YAP1: variants seen among roughly 807,000 people sequenced by gnomAD.
YAP1 encodes transcriptional coactivator YAP1.
A neutral mutation model predicts 56.9 loss-of-function variants in YAP1; 5 were observed. The ratio of observed to expected loss-of-function variants is 0.09; its 90% CI spans 0.05 to 0.18. YAP1 has a LOEUF of 0.18. Among genes scored for constraint, YAP1 ranks in the 10% least tolerant of loss-of-function variants. The pLI is 1.00. For missense variants in YAP1, 539 were observed against 651.8 expected (o/e 0.83, Z 1.88); for synonymous variants, 265 against 248.1 (o/e 1.07, Z -0.64).
chr11:102,136,572 C>T (rs571591718), intron 2 of YAP1, among the ~76,000 whole-genome samples: 37 of 152,102 alleles, frequency 2.4e-4, no homozygotes, highest in Non-Finnish European at 4.1e-4. Flanking sequence ...AAGCTGGTGT[C>T]GAACTTCTGG....
intron 6 of YAP1, among the ~76,000 whole-genome samples, chr11:102,218,377 T>C (rs1283356582): frequency 1.3e-5 from 2 of 152,250 alleles, no homozygotes; most frequent in Non-Finnish European, 2.9e-5. Flanking sequence ...GGAAATGCTA[T>C]GTAAAGAGCT....
chr11:102,180,949 C>G (rs143873275), intron 3 of YAP1, among the ~76,000 whole-genome samples: 5 of 151,560 alleles, frequency 3.3e-5, no homozygotes, highest in Non-Finnish European at 7.4e-5. Context: ...GATTTCGAGA[C>G]CAGCCTGGGC....
At chr11:102,176,445 C>T (rs1197153025) in intron 3 of YAP1, among the ~76,000 whole-genome samples, 1 of 151,908 alleles carries the variant, frequency 6.6e-6, no homozygotes, top group Admixed American at 6.6e-5. Flanking sequence ...AAAGATATGG[C>T]ATAAGAATAG....
rs1942856614 is a variant in YAP1 at position 102,110,943 on chromosome 11, G to A, written c.95G>A (p.Gly32Glu). 6.7e-7 allele frequency: 1 copy of A among 1,497,440 alleles called. No individual in the cohort carries two copies. The highest frequency in any genetic ancestry group is 2.3e-5 in the Admixed American group (1 of 44,294). The allele number at this position is 1,497,440 out of a possible 1,614,324, so 92.8% of individuals were successfully genotyped here. A position where few individuals can be genotyped will look rare whatever the true frequency, so the allele number is the denominator to read the frequency against. Residue 32 changes from glycine to glutamate, a missense_variant, in exon 1 of 9, where the codon GGA becomes GAA. Coordinates refer to ENST00000282441, the MANE Select transcript of YAP1 (RefSeq NM_001130145.3). ...QPPQGQGPPS[G>E]PGQPAPAATQ... The stretch of plus-strand genomic sequence containing the variant: ...CCGCAGGGGCAGGGCCCGCCGTCCG[G>A]ACCCGGGCAACCGGCACCCGCGGCG...
intron 6 of YAP1, among the ~76,000 whole-genome samples, chr11:102,214,601 T>C (rs1233955877): frequency 3.9e-5 from 6 of 152,238 alleles, no homozygotes; most frequent in African/African-American, 1.4e-4. Context: ...ACGTTATCTT[T>C]CTCTTCGAAG....
intron 3 of YAP1, among the ~76,000 whole-genome samples, chr11:102,180,945 G>A (rs1294152656): frequency 6.6e-6 from 1 of 151,878 alleles, no homozygotes; most frequent in East Asian, 1.9e-4. Flanking sequence ...TCAGGATTTC[G>A]AGACCAGCCT....
chr11:102,205,556 A>T (rs1272288037), intron 4 of YAP1, among the ~76,000 whole-genome samples: 1 of 151,982 alleles, frequency 6.6e-6, no homozygotes, highest in East Asian at 1.9e-4. Context: ...AATATGCAAT[A>T]TATTCACCCC....
At chr11:102,179,773 C>T (rs892330797) in intron 3 of YAP1, among the ~76,000 whole-genome samples, 1 of 151,974 alleles carries the variant, frequency 6.6e-6, no homozygotes, top group African/African-American at 2.4e-5. Flanking sequence ...ACATAAATTC[C>T]ATCAGATAGG....
At chr11:102,132,047 G>A (rs574861469) in intron 2 of YAP1, among the ~76,000 whole-genome samples, 1 of 152,210 alleles carries the variant, frequency 6.6e-6, no homozygotes, top group Non-Finnish European at 1.5e-5. Context: ...GAATTTAGGA[G>A]GTGGAGGTTG....
rs1950429054 is a variant in YAP1 at position 102,231,320 on chromosome 11, T to C, written c.*1380T>C. ...TTGCCTTAGTTTTGGAAGTAAATTC[T>C]AGTTTGTAGTTCTCATTTGTAATGA... On this transcript the variant is annotated 3_prime_UTR_variant, in exon 9 of 9. Coordinates refer to ENST00000282441, the MANE Select transcript of YAP1 (RefSeq NM_001130145.3). 6.6e-6 allele frequency: 1 copy of C among 152,264 alleles called. No individual in the cohort carries two copies. Among genetic ancestry groups the C allele is most frequent in the Admixed American group, 6.5e-5 (1 of 15,286 alleles). The allele number at this position is 152,264 out of a possible 1,614,324, so 9.4% of individuals were successfully genotyped here. A position where few individuals can be genotyped will look rare whatever the true frequency, so the allele number is the denominator to read the frequency against.
chr11:102,171,091 G>A (rs953730477), intron 3 of YAP1, among the ~76,000 whole-genome samples: 1 of 152,148 alleles, frequency 6.6e-6, no homozygotes, highest in African/African-American at 2.4e-5. Context: ...CTTTTCTTCA[G>A]TGATTATTTG....
At chr11:102,169,748 A>C (rs1946799832) in intron 3 of YAP1, among the ~76,000 whole-genome samples, 1 of 152,204 alleles carries the variant, frequency 6.6e-6, no homozygotes, top group African/African-American at 2.4e-5. Context: ...AAGCATAATA[A>C]TCTGGAATCA....
intron 6 of YAP1, among the ~76,000 whole-genome samples, chr11:102,215,494 A>G (rs1020579692): frequency 2.6e-4 from 40 of 152,330 alleles, no homozygotes; most frequent in African/African-American, 8.7e-4. Flanking sequence ...TTATTTATTT[A>G]AGATGGAGTT....
At chr11:102,120,336 C>T (rs958413086) in intron 2 of YAP1, among the ~76,000 whole-genome samples, 1 of 152,190 alleles carries the variant, frequency 6.6e-6, no homozygotes, top group African/African-American at 2.4e-5. Flanking sequence ...GTATTTAATC[C>T]TCATTTTGCT....
chr11:102,183,945 C>T (rs982703898), intron 3 of YAP1, among the ~76,000 whole-genome samples: 7 of 150,676 alleles, frequency 4.6e-5, no homozygotes, highest in Admixed American at 1.3e-4. Context: ...GGCGTAGTGG[C>T]GGGCGCCTGT....
chr11:102,112,425 C>CTTTTTTTTTTTTTTTTTTTTTTTTTTTT (rs751339753), intron 1 of YAP1: 16 of 704,146 alleles, frequency 2.3e-5, no homozygotes, highest in East Asian at 1.6e-4. Context: ...ATTTCTTCTT[C>CTTTTTTTTTTTTTTTTTTTTTTTTTTTT]TTTTTTTTTT....
chr11:102,201,200 C>T (rs925786141), intron 4 of YAP1, among the ~76,000 whole-genome samples: 6 of 151,960 alleles, frequency 3.9e-5, no homozygotes, highest in African/African-American at 1.5e-4. Context: ...CCAGCTATGT[C>T]AATAGGAAAA....
chr11:102,209,942 G>A (rs1949313246), intron 6 of YAP1, among the ~76,000 whole-genome samples: 1 of 152,216 alleles, frequency 6.6e-6, no homozygotes, highest in African/African-American at 2.4e-5. Context: ...AACAAAAGCA[G>A]TATTTACTTG....
chr11:102,215,978 A>G (rs901466797), intron 6 of YAP1, among the ~76,000 whole-genome samples: 1 of 152,220 alleles, frequency 6.6e-6, no homozygotes, highest in Non-Finnish European at 1.5e-5. Context: ...CCAAAAAACA[A>G]CAACCTCTGC....
Sources: gnomAD v4.1 joint callset for allele counts (sites outside exome capture counted in the v4.1 genomes callset) on GRCh38, gnomAD v4.1.1 for gene constraint, MANE v1.5 for transcripts, NCBI Gene and HGNC (gene_info 2026-07-23, HGNC 2026-07-21) for gene names.